RMDN2: variants seen among roughly 807,000 people sequenced by gnomAD.
RMDN2 encodes the protein regulator of microtubule dynamics protein 2.
In RMDN2, 61 loss-of-function variants were observed where a neutral mutation model predicts 52.8. The ratio of observed to expected loss-of-function variants is 1.16; its 90% CI spans 0.94 to 1.43. The LOEUF is 1.43. Ranked by LOEUF, RMDN2 falls within the 40% of genes most tolerant of loss-of-function variation. The pLI is 0.00. For synonymous variants in RMDN2, 180 were observed against 153.1 expected, an observed-to-expected ratio of 1.18 and a Z score of -1.30; for missense variants, 592 against 475.3, an observed-to-expected ratio of 1.25 and a Z score of -2.28.
chr2:38,066,629 C>A (rs1487728384), intron 10 of RMDN2, among the ~76,000 whole-genome samples: 3 of 152,168 alleles, frequency 2.0e-5, no homozygotes, highest in African/African-American at 7.2e-5. Context: ...TTCTAACAAC[C>A]ACGCCTGTCT....
intron 8 of RMDN2, among the ~76,000 whole-genome samples, chr2:38,003,603 GGCAGA>G (rs1676651572): frequency 1.4e-5 from 2 of 147,892 alleles, no homozygotes; most frequent in Non-Finnish European, 3.1e-5. Flanking sequence ...TAGATAGATA[GGCAGA>G]CAGACAGACA....
intron 10 of RMDN2, chr2:38,029,949 C>G (rs573564801): frequency 7.2e-5 from 11 of 152,232 alleles, no homozygotes; most frequent in African/African-American, 2.6e-4. Flanking sequence ...GAATGAGAGC[C>G]AAGCGAAAGG....
At position 38,004,197 on chromosome 2, in the gene RMDN2, T is replaced by C; in HGVS notation, c.1160T>C (p.Leu387Pro). Residue 387 changes from leucine (L) to proline (P), a missense_variant, in exon 10 of 11, where the codon CTT (leucine) becomes CCT (proline). Physicochemically the swap from Leu to Pro is moderately conservative, Grantham distance 98. Transcript: ENST00000354545. Reference sequence around the variant, plus strand: ...AAGTTCTGTAATTTGGCTTTATTGCTTCCTACTGTTACCAAAGAGGTAAGT... The same window carrying C: ...AAGTTCTGTAATTTGGCTTTATTGCCTCCTACTGTTACCAAAGAGGTAAGT... Reference protein sequence around the residue: ...ALKFCNLALLLPTVTKEDKEA... With the variant: ...ALKFCNLALLPPTVTKEDKEA... 1 of 1,613,576 alleles carries C rather than the reference T, an allele frequency of 6.2e-7. No individual in the cohort carries two copies. The highest frequency in any genetic ancestry group is 8.5e-7 in the Non-Finnish European group (1 of 1,179,608).
chr2:37,939,608 G>A (rs1474362596), intron 2 of RMDN2, among the ~76,000 whole-genome samples: 2 of 152,140 alleles, frequency 1.3e-5, no homozygotes, highest in African/African-American at 2.4e-5. Context: ...AGGATAGTGA[G>A]CTCTTCTTGT....
At position 37,981,558 on chromosome 2, in the gene RMDN2, A is replaced by G. The variant is rs1673320322; in HGVS notation, c.791+215A>G. 2.0e-5 allele frequency among the ~76,000 whole-genome samples: 3 copies of G among 152,218 alleles called. No individual in the cohort carries two copies. The South Asian group carries it at 6.2e-4, about 32-fold the overall frequency. On this transcript the variant is annotated intron_variant, in intron 5 of 10. Transcript: ENST00000354545. ...ATTTAAGGGAAACTTTTATTGAAAA[A>G]TTATTGAATGAATCTACCAAGTCTA...
At position 38,017,481 on chromosome 2, in the gene RMDN2, C is replaced by G; in HGVS notation, c.*242C>G. The G allele has an allele frequency of 9.0e-7, 1 of 1,105,860 alleles. No homozygotes were observed. Among genetic ancestry groups the G allele is most frequent in the Non-Finnish European group, 1.2e-6 (1 of 834,162 alleles). The allele number at this position is 1,105,860 out of a possible 1,614,324, so 68.5% of individuals were successfully genotyped here. A position where few individuals can be genotyped will look rare whatever the true frequency, so the allele number is the denominator to read the frequency against. On this transcript the variant is annotated 3_prime_UTR_variant, in exon 11 of 11. Transcript: ENST00000354545. The stretch of plus-strand genomic sequence containing the variant: ...ATAAACATGTATGCTTTATATTTTT[C>G]TTATCAATAAACTGCAGCCTTAAGA...
intron 2 of RMDN2, among the ~76,000 whole-genome samples, chr2:37,970,321 AGGTCTCATCT>A (rs911513423): frequency 8.5e-5 from 13 of 152,208 alleles, no homozygotes; most frequent in Non-Finnish European, 1.6e-4. Flanking sequence ...TTGATCAGAT[AGGTCTCATCT>A]GTTGCGCCAG....
intron 2 of RMDN2, among the ~76,000 whole-genome samples, chr2:37,972,001 T>C (rs780975192): frequency 1.3e-5 from 2 of 152,188 alleles, no homozygotes; most frequent in Non-Finnish European, 2.9e-5. Flanking sequence ...TCTCCATGAA[T>C]TTAGGTCATT....
chr2:37,941,103 G>T (rs1203123587), intron 2 of RMDN2, among the ~76,000 whole-genome samples: 1 of 152,186 alleles, frequency 6.6e-6, no homozygotes, highest in African/African-American at 2.4e-5. Context: ...TCTTGATGTT[G>T]ATGCTGTTGC....
At chr2:37,994,046 G>C (rs1374427598) in intron 7 of RMDN2, among the ~76,000 whole-genome samples, 3 of 152,146 alleles carry the variant, frequency 2.0e-5, no homozygotes, top group Non-Finnish European at 4.4e-5. Flanking sequence ...GTAGAGGAAG[G>C]TACCTTTAGA....
At chr2:38,021,912 C>T (rs1310688611), downstream of RMDN2, among the ~76,000 whole-genome samples, 6 of 152,172 alleles carry the variant, frequency 3.9e-5, no homozygotes, top group East Asian at 1.9e-4. Context: ...GCCTGTGGTC[C>T]GGGGTTTAGG....
intron 10 of RMDN2, among the ~76,000 whole-genome samples, chr2:38,041,427 G>GTTTTT (rs3057329): frequency 0.11 from 13,455 of 119,786 alleles, 1,664 homozygotes; most frequent in East Asian, 0.62. Flanking sequence ...TTTTTTATTG[G>GTTTTT]TTTTTTTTTT....
chr2:38,042,403 C>CCACACACACA (rs140036263), intron 10 of RMDN2, among the ~76,000 whole-genome samples: 4 of 94,202 alleles, frequency 4.2e-5, no homozygotes, highest in African/African-American at 2.5e-4. Flanking sequence ...CCTCCCCCCG[C>CCACACACACA]CACACACACA....
intron 2 of RMDN2, among the ~76,000 whole-genome samples, chr2:37,967,736 T>G (rs1671254207): frequency 6.6e-6 from 1 of 152,228 alleles, no homozygotes; most frequent in Admixed American, 6.5e-5. Flanking sequence ...TTTCTTTCAG[T>G]GGGAAATCAT....
chr2:37,942,586 G>A (rs760005329), intron 2 of RMDN2, among the ~76,000 whole-genome samples: 3 of 152,126 alleles, frequency 2.0e-5, no homozygotes, highest in Non-Finnish European at 4.4e-5. Flanking sequence ...TTTTTATATT[G>A]TCAGACTTTT....
At chr2:37,956,834 T>G (rs1234215480) in intron 2 of RMDN2, among the ~76,000 whole-genome samples, 1 of 151,274 alleles carries the variant, frequency 6.6e-6, no homozygotes, top group Non-Finnish European at 1.5e-5. Context: ...GCCCACAGTG[T>G]GTGATGTTCC....
intron 10 of RMDN2, chr2:38,012,522 G>A: frequency 2.3e-6 from 1 of 439,342 alleles, no homozygotes. Context: ...ATGAATGTAA[G>A]AAGGCTAGAC....
At chr2:38,006,934 A>G (rs1464209322) in intron 10 of RMDN2, among the ~76,000 whole-genome samples, 2 of 152,178 alleles carry the variant, frequency 1.3e-5, no homozygotes, top group African/African-American at 2.4e-5. Context: ...AATTTTGTCA[A>G]AGGCCTTTTC....
chr2:37,997,326 A>G (rs1475115475), intron 7 of RMDN2, 90 bp from the exon 8 acceptor site: 1 of 803,996 alleles, frequency 1.2e-6, no homozygotes, highest in Non-Finnish European at 2.2e-6. Context: ...ACACGTATAT[A>G]CACATAACAC....
Sources: allele counts gnomAD v4.1 joint callset (sites outside exome capture counted in the v4.1 genomes callset), GRCh38; gene constraint gnomAD v4.1.1; transcripts MANE v1.5; gene names NCBI Gene and HGNC (gene_info 2026-07-23, HGNC 2026-07-21).